Variants in HDHD2 observed in about 807,000 individuals in gnomAD.
HDHD2 encodes haloacid dehalogenase-like hydrolase domain-containing protein 2.
Under a neutral mutation model 24.8 loss-of-function variants are expected in HDHD2, and 26 were observed. That is an observed-to-expected ratio of 1.05 (90% CI 0.77 to 1.45). The LOEUF (loss-of-function observed/expected upper bound fraction) is 1.45. Ranked by LOEUF, HDHD2 falls within the 40% of genes most tolerant of loss-of-function variation. HDHD2 has a pLI of 0.00. For missense variants in HDHD2, 299 were observed against 313.4 expected, an observed-to-expected ratio of 0.95 and a Z score of 0.35; for synonymous variants, 128 against 114.9, an observed-to-expected ratio of 1.11 and a Z score of -0.73.
intron 1 of HDHD2, among the ~76,000 whole-genome samples, chr18:47,141,395 T>C (rs1462981325): frequency 2.0e-5 from 3 of 152,218 alleles, no homozygotes; most frequent in Non-Finnish European, 2.9e-5. Context: ...AATTATGATA[T>C]TTGCCAGGTT....
intron 3 of HDHD2, among the ~76,000 whole-genome samples, chr18:47,130,899 T>A (rs2063707577): frequency 6.6e-6 from 1 of 152,244 alleles, no homozygotes; most frequent in South Asian, 2.1e-4. Flanking sequence ...TAAAGTATGT[T>A]TTAAGGCCTT....
chr18:47,141,002 C>A (rs1207558775), intron 1 of HDHD2, among the ~76,000 whole-genome samples: 1 of 152,062 alleles, frequency 6.6e-6, no homozygotes, highest in African/African-American at 2.4e-5. Flanking sequence ...TAGTTAGGAA[C>A]TCCATAATTG....
At chr18:47,115,847 A>G (rs557385583) in intron 4 of HDHD2, among the ~76,000 whole-genome samples, 2 of 152,244 alleles carry the variant, frequency 1.3e-5, no homozygotes, top group Non-Finnish European at 2.9e-5. Context: ...ATTTTTAATA[A>G]AGTGTTTTAC....
intron 1 of HDHD2, among the ~76,000 whole-genome samples, chr18:47,147,420 G>A (rs937632567): frequency 6.6e-6 from 1 of 152,156 alleles, no homozygotes; most frequent in East Asian, 1.9e-4. Flanking sequence ...TTCATCAAAA[G>A]ACTAGACCGT....
intron 4 of HDHD2, among the ~76,000 whole-genome samples, chr18:47,120,596 C>T (rs1373322718): frequency 6.6e-6 from 1 of 152,188 alleles, no homozygotes; most frequent in Non-Finnish European, 1.5e-5. Flanking sequence ...CTTTTAATTT[C>T]CTTCAAGAAC....
intron 4 of HDHD2, among the ~76,000 whole-genome samples, chr18:47,124,049 T>C (rs568029303): frequency 3.9e-4 from 60 of 152,344 alleles, no homozygotes; most frequent in Non-Finnish European, 8.1e-4. Context: ...AAAAGCACAA[T>C]TGCAAATCAA....
intron 1 of HDHD2, among the ~76,000 whole-genome samples, chr18:47,138,856 C>T (rs1276723856): frequency 6.6e-6 from 1 of 152,208 alleles, no homozygotes; most frequent in Non-Finnish European, 1.5e-5. Flanking sequence ...GAATGCTGCA[C>T]AGGGGTCAAG....
chr18:47,146,469 C>T (rs567786866), intron 1 of HDHD2, among the ~76,000 whole-genome samples: 1 of 152,294 alleles, frequency 6.6e-6, no homozygotes, highest in African/African-American at 2.4e-5. Flanking sequence ...CCATATCCTA[C>T]AATCTGGCAG....
intron 1 of HDHD2, among the ~76,000 whole-genome samples, chr18:47,149,511 G>A (rs577596405): frequency 7.9e-4 from 121 of 152,266 alleles, no homozygotes; most frequent in African/African-American, 2.8e-3. Flanking sequence ...CTGGTGGACA[G>A]AGTCCTGGTT....
chr18:47,121,506 G>C (rs1202057290), intron 4 of HDHD2, among the ~76,000 whole-genome samples: 1 of 152,136 alleles, frequency 6.6e-6, no homozygotes, highest in Admixed American at 6.5e-5. Flanking sequence ...CACCTGAACT[G>C]TAACAGCCTT....
At chr18:47,134,845 C>T (rs1412345420) in intron 2 of HDHD2, 141 bp from the exon 3 acceptor site, 2 of 655,298 alleles carry the variant, frequency 3.1e-6, no homozygotes, top group African/African-American at 1.8e-5. Flanking sequence ...TCCAGAATGG[C>T]AGGTTTACAG....
At chr18:47,142,042 C>T (rs1232669753) in intron 1 of HDHD2, among the ~76,000 whole-genome samples, 2 of 152,248 alleles carry the variant, frequency 1.3e-5, no homozygotes, top group East Asian at 3.9e-4. Context: ...CTTTGTTACT[C>T]CTTTGCCTTA....
At chr18:47,113,103 C>T (rs2063529117) in intron 5 of HDHD2, 63 bp from the exon 6 acceptor site, 3 of 1,359,218 alleles carry the variant, frequency 2.2e-6, no homozygotes, top group Non-Finnish European at 3.2e-6. Context: ...ACAAACATTA[C>T]CAACTGATTT....
At chr18:47,111,448 T>C in intron 6 of HDHD2, 1 of 983,216 alleles carries the variant, frequency 1.0e-6, no homozygotes, top group Non-Finnish European at 1.2e-6. Flanking sequence ...TATCTAAGGA[T>C]TTCTTCAATA....
Position 47,113,005 on chromosome 18 carries a change from G to A in HDHD2, c.648C>T (p.Val216=), listed in dbSNP as rs748903283. 19 of 1,613,888 alleles carry A rather than the reference G, an allele frequency of 1.2e-5. No individual in the cohort carries two copies. In the East Asian group the frequency reaches 2.7e-4, roughly 23 times the overall value. The change falls in exon 6 of 7, where the codon GTC becomes GTT. Residue 216 remains valine (V), a synonymous_variant. Transcript: ENST00000300605. The stretch of plus-strand genomic sequence containing the variant: ...TCTTTACTAAGATGCCCAGCATGCC[G>A]ACATCTTGAGCCCCACCAACATCAT... The part of the protein sequence containing the change: ...CRDDVGGAQD[V]GMLGILVKTG...
At chr18:47,122,727 T>A (rs933581266) in intron 4 of HDHD2, among the ~76,000 whole-genome samples, 2 of 152,116 alleles carry the variant, frequency 1.3e-5, no homozygotes, top group African/African-American at 4.8e-5. Context: ...AATTCTCTTA[T>A]TAATTACTGA....
Position 47,108,600 on chromosome 18 carries a change from G to C in HDHD2, c.*82C>G, listed in dbSNP as rs1238435678. ...CGATCAGCACTGACTGGTGTCTACCGATGCTGGCACTGAGTTGGTAAGGGA... is the reference window on the plus strand; with the variant it reads ...CGATCAGCACTGACTGGTGTCTACCCATGCTGGCACTGAGTTGGTAAGGGA... On this transcript the variant is annotated 3_prime_UTR_variant, in exon 7 of 7. Coordinates refer to ENST00000300605, the MANE Select transcript of HDHD2 (RefSeq NM_032124.5). 16 of 730,258 alleles carry C rather than the reference G, an allele frequency of 2.2e-5. No individual in the cohort carries two copies. Among genetic ancestry groups the C allele is most frequent in the Non-Finnish European group, 3.6e-5 (15 of 418,894 alleles). 45.2% of individuals were successfully genotyped at this position (730,258 alleles called of 1,614,324 possible).
intron 4 of HDHD2, among the ~76,000 whole-genome samples, chr18:47,126,188 G>C (rs766300430): frequency 6.6e-6 from 1 of 152,150 alleles, no homozygotes; most frequent in African/African-American, 2.4e-5. Context: ...TTTCAAAAAT[G>C]GGAAAAGCCC....
At chr18:47,130,968 CTTTA>C (rs552417692) in intron 3 of HDHD2, among the ~76,000 whole-genome samples, 12 of 151,950 alleles carry the variant, frequency 7.9e-5, no homozygotes, top group Non-Finnish European at 1.5e-4. Context: ...TCCATTACAA[CTTTA>C]TTTATTTATT....
Sources: gnomAD v4.1 joint callset for allele counts (sites outside exome capture counted in the v4.1 genomes callset) on GRCh38, gnomAD v4.1.1 for gene constraint, MANE v1.5 for transcripts, NCBI Gene and HGNC (gene_info 2026-07-23, HGNC 2026-07-21) for gene names.